The following HDHD5 variants were observed in gnomAD, a reference collection of about 807,000 sequenced individuals.
HDHD5 encodes the protein haloacid dehalogenase-like hydrolase domain-containing 5.
In HDHD5, 34 loss-of-function variants were observed where a neutral mutation model predicts 35.5. The ratio of observed to expected loss-of-function variants is 0.96; its 90% CI spans 0.73 to 1.28. The LOEUF (loss-of-function observed/expected upper bound fraction) is 1.28, where lower values mean the gene tolerates loss of function less well. Ranked by LOEUF, HDHD5 falls within the 50% of genes most tolerant of loss-of-function variation. The pLI is 0.00. For synonymous variants in HDHD5, 248 were observed against 240.6 expected (o/e 1.03, Z -0.29); for missense variants, 589 against 560.2 (o/e 1.05, Z -0.52).
upstream of HDHD5, among the ~76,000 whole-genome samples, chr22:17,162,788 G>T (rs1408311408): frequency 6.6e-6 from 1 of 152,208 alleles, no homozygotes; most frequent in African/African-American, 2.4e-5. Flanking sequence ...GGGCACTCAC[G>T]TCTACCCTGT....
chr22:17,161,782 G>A (rs1250577888), upstream of HDHD5, among the ~76,000 whole-genome samples: 2 of 151,652 alleles, frequency 1.3e-5, no homozygotes, highest in Non-Finnish European at 2.9e-5. Flanking sequence ...GGAGGCTAAG[G>A]TGGGAGGATC....
intron 1 of HDHD5, among the ~76,000 whole-genome samples, chr22:17,156,964 C>T (rs58445936): frequency 5.3e-5 from 8 of 151,060 alleles, no homozygotes; most frequent in East Asian, 4.0e-4. Flanking sequence ...TGTAATCCCA[C>T]GTACTTGGGA....
chr22:17,141,502 C>G (rs1170681639), intron 5 of HDHD5: 2 of 1,285,802 alleles, frequency 1.6e-6, no homozygotes, highest in Non-Finnish European at 2.0e-6. Context: ...AAAACAAAAG[C>G]AGCATGTCTC....
intron 3 of HDHD5, 24 bp downstream of exon 3, chr22:17,148,424 C>G: frequency 6.3e-7 from 1 of 1,590,672 alleles, no homozygotes; most frequent in African/African-American, 1.3e-5. Context: ...TTCCCTTCAG[C>G]CAGAGTTAAG....
chr22:17,148,865 G>A (rs1404537369), intron 2 of HDHD5, among the ~76,000 whole-genome samples: 1 of 152,216 alleles, frequency 6.6e-6, no homozygotes, highest in Non-Finnish European at 1.5e-5. Flanking sequence ...CCACTTGGAA[G>A]CCATAGGGTT....
In HDHD5 at chr22:17,138,185, TC is replaced by T; in HGVS notation, c.1107del (p.Asn370ThrfsTer35). 6.2e-7 allele frequency: 1 copy of T among 1,614,156 alleles called. No individual in the cohort carries two copies. The highest frequency in any genetic ancestry group is 1.1e-5 in the South Asian group (1 of 91,082). ...AGGACAGGCTCCGTGGACTGTGGGTTCCTGGGATTGTAGACGCCTGTACACA... is the reference window on the plus strand; with the variant it reads ...AGGACAGGCTCCGTGGACTGTGGGTTCTGGGATTGTAGACGCCTGTACACA... ...ILVCTGVYNP[R>X]NPQSTEPVLG... On this transcript the variant is annotated frameshift_variant, in exon 8 of 8. Coordinates refer to ENST00000336737, the MANE Select transcript of HDHD5 (RefSeq NM_033070.3). LOFTEE classifies it low-confidence loss of function (END_TRUNC).
chr22:17,164,966 T>TG (rs1036817332), intron 1 of HDHD5, among the ~76,000 whole-genome samples: 9 of 152,158 alleles, frequency 5.9e-5, no homozygotes, highest in Admixed American at 1.3e-4. Flanking sequence ...TCCCCCTGGC[T>TG]GGGGTCAGGA....
chr22:17,142,325 C>T (rs1442149150), intron 5 of HDHD5: 1 of 152,252 alleles, frequency 6.6e-6, no homozygotes, highest in Non-Finnish European at 1.5e-5. Context: ...ATTACTTGAA[C>T]GATTCTATTT....
chr22:17,154,220 C>T (rs1188423103), intron 1 of HDHD5, among the ~76,000 whole-genome samples: 1 of 151,134 alleles, frequency 6.6e-6, no homozygotes, highest in African/African-American at 2.4e-5. Context: ...CAGTAGCTCA[C>T]GCCTGTAATC....
chr22:17,156,573 G>A (rs1052408635), intron 1 of HDHD5, among the ~76,000 whole-genome samples: 16 of 152,244 alleles, frequency 1.1e-4, no homozygotes, highest in Non-Finnish European at 2.1e-4. Context: ...TTAGGAGATC[G>A]AGACCATCTT....
intron 6 of HDHD5, 140 bp from the exon 7 acceptor site, chr22:17,138,878 G>A (rs1161893287): frequency 1.2e-6 from 1 of 818,486 alleles, no homozygotes; most frequent in African/African-American, 1.7e-5. Context: ...CAGACACTGT[G>A]CAGGCACTGG....
At chr22:17,163,113 G>C (rs867349553), upstream of HDHD5, among the ~76,000 whole-genome samples, 1 of 152,168 alleles carries the variant, frequency 6.6e-6, no homozygotes, top group Admixed American at 6.5e-5. Flanking sequence ...ATTATGTTTT[G>C]TACCGTCTGT....
intron 5 of HDHD5, chr22:17,141,787 G>A (rs554307383): frequency 3.7e-4 from 64 of 174,064 alleles, no homozygotes; most frequent in Admixed American, 3.1e-3. Context: ...GCTATTGTGA[G>A]GATAAAAATG....
chr22:17,153,451 G>A (rs550081322), intron 1 of HDHD5, among the ~76,000 whole-genome samples: 1 of 152,264 alleles, frequency 6.6e-6, no homozygotes, highest in African/African-American at 2.4e-5. Flanking sequence ...GCTCCCAGCT[G>A]TGAGTTCCAT....
chr22:17,160,540 T>A (rs1322569752), upstream of HDHD5, among the ~76,000 whole-genome samples: 1 of 151,270 alleles, frequency 6.6e-6, no homozygotes, highest in East Asian at 1.9e-4. Flanking sequence ...TCCCAGCTAC[T>A]CGGGAGGCTG....
chr22:17,161,348 C>G (rs1460297300), upstream of HDHD5, among the ~76,000 whole-genome samples: 11 of 151,436 alleles, frequency 7.3e-5, no homozygotes. Context: ...CATCTGAGGT[C>G]AGGAGTTCGT....
chr22:17,149,199 T>C (rs2061698298), intron 2 of HDHD5, among the ~76,000 whole-genome samples: 1 of 152,110 alleles, frequency 6.6e-6, no homozygotes, highest in African/African-American at 2.4e-5. Flanking sequence ...TGCAGGTGGC[T>C]GAGGAGGACA....
chr22:17,139,916 T>G (rs2061580893), intron 6 of HDHD5, among the ~76,000 whole-genome samples: 1 of 152,190 alleles, frequency 6.6e-6, no homozygotes, highest in African/African-American at 2.4e-5. Flanking sequence ...AAAGTTCATC[T>G]AAAATCTGGT....
chr22:17,143,116 C>A lies in HDHD5; in HGVS notation c.553G>T (p.Asp185Tyr), dbSNP rs1182538950. 6.2e-7 allele frequency: 1 copy of A among 1,609,718 alleles called. No individual in the cohort carries two copies. Among genetic ancestry groups the A allele is most frequent in the African/African-American group, 1.3e-5 (1 of 74,778 alleles). ...CTCTTACCTTCAATGCGGGGGAAGT[C>A]ATTCCTCGGGAGGGGCTGCAGAGAG... ...RLKTTPLPRN[D>Y]FPRIEGVLLL... Residue 185 changes from aspartate (D) to tyrosine (Y), a missense_variant, in exon 5 of 8, where the codon GAC becomes TAC. Transcript: ENST00000336737.
Sources: gnomAD v4.1 joint callset for allele counts (sites outside exome capture counted in the v4.1 genomes callset) on GRCh38, gnomAD v4.1.1 for gene constraint, MANE v1.5 for transcripts, NCBI Gene and HGNC (gene_info 2026-07-23, HGNC 2026-07-21) for gene names.